Variants in EFNA2 observed in about 807,000 individuals in gnomAD.
EFNA2 encodes the protein ephrin A2.
Under a neutral mutation model 19.7 loss-of-function variants are expected in EFNA2, and 18 were observed. That is an observed-to-expected ratio of 0.91 (90% CI 0.63 to 1.35). The LOEUF (loss-of-function observed/expected upper bound fraction) is 1.35, where lower values mean the gene tolerates loss of function less well. Among genes scored for constraint, EFNA2 ranks in the 40% most tolerant of loss-of-function variants. The probability of loss-of-function intolerance (pLI) is 0.00; values close to 1 mark genes in which losing one functional copy is unlikely to be tolerated. For synonymous variants in EFNA2, 187 were observed against 137.8 expected, an observed-to-expected ratio of 1.36 and a Z score of -2.50; for missense variants, 303 against 296.0, an observed-to-expected ratio of 1.02 and a Z score of -0.17.
chr19:1,288,831 C>T (rs541383211), intron 1 of EFNA2, among the ~76,000 whole-genome samples: 3 of 152,294 alleles, frequency 2.0e-5, no homozygotes, highest in East Asian at 1.9e-4. Flanking sequence ...GACTGCACAG[C>T]GTCCGTCCAA....
chr19:1,292,164 C>T (rs993254380), intron 1 of EFNA2, among the ~76,000 whole-genome samples: 1 of 152,232 alleles, frequency 6.6e-6, no homozygotes, highest in African/African-American at 2.4e-5. Context: ...CCCCTCCCCC[C>T]TGCAGGCGCC....
In EFNA2 at chr19:1,295,886, G is replaced by A. The variant is rs1327861449; in HGVS notation, c.454+28G>A. ...GAGTGGGGTCGGGCCGGGGCTGCCG[G>A]GGCCCGAGTGGGCGGGGACGCGGGG... On this transcript the variant is annotated intron_variant, in intron 2 of 3. Coordinates refer to ENST00000215368, the MANE Select transcript of EFNA2 (RefSeq NM_001405.4). This position sits in a 1 kb window ranked among gnomAD's most constrained non-coding sequence, Gnocchi z 5.8. The A allele has an allele frequency of 1.9e-6, 3 of 1,542,780 alleles. No individual in the cohort carries two copies. Among genetic ancestry groups the A allele is most frequent in the Non-Finnish European group, 2.6e-6 (3 of 1,153,474 alleles).
At chr19:1,285,212 C>A (rs183895288), upstream of EFNA2, among the ~76,000 whole-genome samples, 1 of 152,232 alleles carries the variant, frequency 6.6e-6, no homozygotes, top group African/African-American at 2.4e-5. This position sits in a 1 kb window ranked among gnomAD's most constrained non-coding sequence, Gnocchi z 4.1. Context: ...AGCTGTGCCC[C>A]CGGGCAGCGG....
Position 1,296,697 on chromosome 19 carries a change from C to T in EFNA2, c.454+839C>T, listed in dbSNP as rs549694331. ...GGGCCCCTGCCGCACCAGCCGCACC[C>T]AGACTGGGTAGGGGTCTCCAGGTCC... On this transcript the variant is annotated intron_variant, in intron 2 of 3. Coordinates refer to ENST00000215368, the MANE Select transcript of EFNA2 (RefSeq NM_001405.4). The surrounding 1 kb of genome is among the most constrained non-coding windows in gnomAD (Gnocchi z 4.4). Among the ~76,000 whole-genome samples the T allele has an allele frequency of 6.9e-4, 105 of 152,324 alleles. No individual in the cohort carries two copies. The highest frequency in any genetic ancestry group is 2.3e-3 in the African/African-American group (95 of 41,578).
chr19:1,294,825 C>T lies in EFNA2; in HGVS notation c.141-720C>T, dbSNP rs2081506600. 6.6e-6 allele frequency among the ~76,000 whole-genome samples: 1 copy of T among 151,126 alleles called. No individual in the cohort carries two copies. The highest frequency in any genetic ancestry group is 6.6e-5 in the Admixed American group (1 of 15,198). ...GCCCGACCTGTGTCCCCCACGCTGCCCCGGTCCTTCTCAACAGGTGGGAGT... is the reference window on the plus strand; with the variant it reads ...GCCCGACCTGTGTCCCCCACGCTGCTCCGGTCCTTCTCAACAGGTGGGAGT... On this transcript the variant is annotated intron_variant, in intron 1 of 3. Coordinates refer to ENST00000215368, the MANE Select transcript of EFNA2 (RefSeq NM_001405.4). This position sits in a 1 kb window ranked among gnomAD's most constrained non-coding sequence, Gnocchi z 5.8.
chr19:1,298,432 G>A, intron 2 of EFNA2, 119 bp from the exon 3 acceptor site: 1 of 922,504 alleles, frequency 1.1e-6, no homozygotes, highest in Non-Finnish European at 1.7e-6. Flanking sequence ...GGAGTTTTAA[G>A]GGTGGCTCTC....
chr19:1,285,991 T>TCGGC lies in EFNA2; in HGVS notation c.-177_-174dup, dbSNP rs1441326686. 3.5e-5 allele frequency among the ~76,000 whole-genome samples: 5 copies of TCGGC among 144,126 alleles called. No individual in the cohort carries two copies. In the East Asian group the frequency reaches 8.3e-4, roughly 24 times the overall value. 94.6% of individuals were successfully genotyped at this position (144,126 alleles called of 152,430 possible). A position where few individuals can be genotyped will look rare whatever the true frequency, so the allele number is the denominator to read the frequency against. On this transcript the variant is annotated 5_prime_UTR_variant, in exon 1 of 4. Transcript: ENST00000215368. This position sits in a 1 kb window ranked among gnomAD's most constrained non-coding sequence, Gnocchi z 4.1. The stretch of plus-strand genomic sequence containing the variant: ...CCCCGCCCCGCCGCCGCCTGACTTC[T>TCGGC]CGGCGCCCGAGGTCGCGCGCGCGGA...
At position 1,297,053 on chromosome 19, in the gene EFNA2, C is replaced by G. The variant is rs12461008; in HGVS notation, c.454+1195C>G. The stretch of plus-strand genomic sequence containing the variant: ...GGGGAATGAGGGGCCAGGCACTGCC[C>G]ACCTGAGATGGGGATGATGGCATCA... On this transcript the variant is annotated intron_variant, in intron 2 of 3. Transcript: ENST00000215368. The surrounding 1 kb of genome is among the most constrained non-coding windows in gnomAD (Gnocchi z 5.0). 2.6e-5 allele frequency among the ~76,000 whole-genome samples: 4 copies of G among 152,230 alleles called. No homozygotes were observed. The highest frequency in any genetic ancestry group is 2.6e-4 in the Admixed American group (4 of 15,290).
In EFNA2 at chr19:1,296,338, G is replaced by A. The variant is rs1274403368; in HGVS notation, c.454+480G>A. On this transcript the variant is annotated intron_variant, in intron 2 of 3. Coordinates refer to ENST00000215368, the MANE Select transcript of EFNA2 (RefSeq NM_001405.4). This position sits in a 1 kb window ranked among gnomAD's most constrained non-coding sequence, Gnocchi z 4.4. ...CCCGAGCCCCAGCACACTGATGAGG[G>A]AAACTGAGGCATCCGGAGCCCAGCA... Among the ~76,000 whole-genome samples, 2 of 152,182 alleles carry A rather than the reference G, an allele frequency of 1.3e-5. No individual in the cohort carries two copies. Among genetic ancestry groups the A allele is most frequent in the Non-Finnish European group, 2.9e-5 (2 of 68,020 alleles).
chr19:1,287,584 G>A lies in EFNA2; in HGVS notation c.140+1276G>A, dbSNP rs1019210169. 2.6e-5 allele frequency among the ~76,000 whole-genome samples: 4 copies of A among 152,104 alleles called. No individual in the cohort carries two copies. ...GGGCGGCCCGTGTTCCGCCGTGGGG[G>A]TGGGGAACACGCACAGGCCCACCCC... On this transcript the variant is annotated intron_variant, in intron 1 of 3. Coordinates refer to ENST00000215368, the MANE Select transcript of EFNA2 (RefSeq NM_001405.4). The surrounding 1 kb of genome is among the most constrained non-coding windows in gnomAD (Gnocchi z 6.2).
At chr19:1,288,177 G>C (rs2144612215) in intron 1 of EFNA2, among the ~76,000 whole-genome samples, 1 of 152,380 alleles carries the variant, frequency 6.6e-6, no homozygotes. Context: ...ACCCTGCAGT[G>C]GGGCCCAGGG....
chr19:1,298,090 AAAAAAAAAAG>A (rs2081524250), intron 2 of EFNA2, among the ~76,000 whole-genome samples: 1 of 151,434 alleles, frequency 6.6e-6, no homozygotes, highest in Non-Finnish European at 1.5e-5. Flanking sequence ...AAAAAAAAAA[AAAAAAAAAAG>A]AATCTTTCCC....
chr19:1,295,402 C>T lies in EFNA2; in HGVS notation c.141-143C>T, dbSNP rs1014342850. Reference sequence around the variant, plus strand: ...CCCTGGCGCACCCTGACCCGTCCCCCGTGCTCCTGACCCCGGCCCTCGCCG... The same window carrying T: ...CCCTGGCGCACCCTGACCCGTCCCCTGTGCTCCTGACCCCGGCCCTCGCCG... On this transcript the variant is annotated intron_variant, in intron 1 of 3. Coordinates refer to ENST00000215368, the MANE Select transcript of EFNA2 (RefSeq NM_001405.4). The surrounding 1 kb of genome is among the most constrained non-coding windows in gnomAD (Gnocchi z 5.8). The T allele has an allele frequency of 2.5e-5, 20 of 799,610 alleles. No individual in the cohort carries two copies. The East Asian group carries it at 5.6e-4, about 22-fold the overall frequency. 49.5% of individuals were successfully genotyped at this position (799,610 alleles called of 1,614,324 possible).
rs2081517656 is a variant in EFNA2, at chr19:1,296,759, C to T, written c.454+901C>T. Among the ~76,000 whole-genome samples, 1 of 152,202 alleles carries T rather than the reference C, an allele frequency of 6.6e-6. No individual in the cohort carries two copies. Among genetic ancestry groups the T allele is most frequent in the African/African-American group, 2.4e-5 (1 of 41,450 alleles). ...CACCCACCCCCGCATCTCCCCGGGA[C>T]CCATGCCAGGCTCGGAGACTCCCTG... On this transcript the variant is annotated intron_variant, in intron 2 of 3. Transcript: ENST00000215368. The surrounding 1 kb of genome is among the most constrained non-coding windows in gnomAD (Gnocchi z 4.4).
At chr19:1,298,261 G>A (rs982474567) in intron 2 of EFNA2, among the ~76,000 whole-genome samples, 3 of 151,682 alleles carry the variant, frequency 2.0e-5, no homozygotes, top group African/African-American at 4.9e-5. Context: ...ATCATTTTCC[G>A]AGCTCACCCT....
rs564240520 is a variant in EFNA2 at position 1,297,187 on chromosome 19, T to C, written c.454+1329T>C. ...GGGATGGGGAGTCAGGGATCTGGGG[T>C]CTGTGCCCCCAGGCTGCAGGGGGGC... is the stretch of plus-strand genomic sequence containing the variant. On this transcript the variant is annotated intron_variant, in intron 2 of 3. Transcript: ENST00000215368. This position sits in a 1 kb window ranked among gnomAD's most constrained non-coding sequence, Gnocchi z 5.0. Among the ~76,000 whole-genome samples, 30 of 151,916 alleles carry C rather than the reference T, an allele frequency of 2.0e-4. 1 individual carries two copies. The East Asian group carries it at 4.1e-3, about 21-fold the overall frequency.
upstream of EFNA2, among the ~76,000 whole-genome samples, chr19:1,284,918 G>A (rs1022481223): frequency 6.6e-6 from 1 of 152,226 alleles, no homozygotes; most frequent in African/African-American, 2.4e-5. The surrounding 1 kb of genome is among the most constrained non-coding windows in gnomAD (Gnocchi z 5.3). Flanking sequence ...CAAGCTCAGA[G>A]TCTGGTGAGG....
chr19:1,296,844 T>C lies in EFNA2; in HGVS notation c.454+986T>C, dbSNP rs942919250. 1.3e-5 allele frequency among the ~76,000 whole-genome samples: 2 copies of C among 152,172 alleles called. No individual in the cohort carries two copies. Among genetic ancestry groups the C allele is most frequent in the East Asian group, 3.9e-4 (2 of 5,194 alleles). On this transcript the variant is annotated intron_variant, in intron 2 of 3. Transcript: ENST00000215368. The surrounding 1 kb of genome is among the most constrained non-coding windows in gnomAD (Gnocchi z 4.4). ...CGGCAGCCTTGGGGATAGTCACATC[T>C]GCAGGACCCCATGGTGGGCCAGGCT... is the stretch of plus-strand genomic sequence containing the variant.
At chr19:1,299,754 G>A in intron 3 of EFNA2, 70 bp from the exon 4 acceptor site, 1 of 1,510,986 alleles carries the variant, frequency 6.6e-7, no homozygotes, top group South Asian at 1.3e-5. Context: ...GCACCCTGAG[G>A]GCGGGCGGCA....
Sources: allele counts gnomAD v4.1 joint callset (sites outside exome capture counted in the v4.1 genomes callset), GRCh38; gene constraint gnomAD v4.1.1; non-coding constraint Gnocchi (gnomAD v3.1); transcripts MANE v1.5; gene names NCBI Gene and HGNC (gene_info 2026-07-23, HGNC 2026-07-21).